Variants in BBOF1 observed in about 807,000 individuals in gnomAD.
The protein encoded by BBOF1 is basal body-orientation factor 1.
Under a neutral mutation model 68.0 loss-of-function variants are expected in BBOF1, and 62 were observed. The observed-to-expected ratio is 0.91, with a 90% CI of 0.74 to 1.13. BBOF1 has a LOEUF of 1.13. Among genes scored for constraint, BBOF1 ranks in the 50% most tolerant of loss-of-function variants. The pLI, the probability that BBOF1 is intolerant of heterozygous loss-of-function variation, is 0.00. For missense variants in BBOF1, 534 were observed against 600.1 expected (o/e 0.89, Z 1.15); for synonymous variants, 208 against 198.8 (o/e 1.05, Z -0.39).
chr14:74,036,136 AC>A (rs2141011806), intron 4 of BBOF1, among the ~76,000 whole-genome samples: 1 of 147,220 alleles, frequency 6.8e-6, no homozygotes, highest in South Asian at 2.1e-4. Context: ...GCTCACTGCA[AC>A]CTCCACCTCC....
chr14:74,034,557 T>C (rs2059652245), intron 4 of BBOF1, among the ~76,000 whole-genome samples: 1 of 152,230 alleles, frequency 6.6e-6, no homozygotes, highest in African/African-American at 2.4e-5. Context: ...TAGAAGGCTC[T>C]ATGGTAGGGG....
intron 9 of BBOF1, chr14:74,072,279 G>T: frequency 6.2e-7 from 1 of 1,614,236 alleles, no homozygotes; most frequent in Non-Finnish European, 8.5e-7. Context: ...TGCCCATGCA[G>T]GAAAAGCACG....
At position 74,025,212 on chromosome 14, in the gene BBOF1, A is replaced by G. The variant is rs371115551; in HGVS notation, c.285+2068A>G. Among the ~76,000 whole-genome samples, 25 of 152,322 alleles carry G rather than the reference A, an allele frequency of 1.6e-4. No individual in the cohort carries two copies. The South Asian group carries it at 5.2e-3, about 32-fold the overall frequency. On this transcript the variant is annotated intron_variant, in intron 2 of 11. Transcript: ENST00000394009. ...TTAGATGCTTTGTTTTGTGGCTTGT[A>G]ATAGCTCATTGTTATTGGTCTACAT...
intron 2 of BBOF1, among the ~76,000 whole-genome samples, chr14:74,023,860 G>A (rs1446233807): frequency 4.7e-5 from 7 of 148,858 alleles, no homozygotes; most frequent in African/African-American, 1.7e-4. Context: ...AGGTTGCAGC[G>A]AGCTGAGATC....
chr14:74,038,456 C>A (rs2059759531), intron 4 of BBOF1, among the ~76,000 whole-genome samples: 1 of 152,048 alleles, frequency 6.6e-6, no homozygotes, highest in African/African-American at 2.4e-5. Flanking sequence ...AGATTTCAGA[C>A]CTTTCAAAGT....
At chr14:74,075,085 CTACT>C in intron 9 of BBOF1, 1 of 1,407,286 alleles carries the variant, frequency 7.1e-7, no homozygotes, top group Non-Finnish European at 1.0e-6. Flanking sequence ...TAGCAAATAG[CTACT>C]ATATGCTATT....
At chr14:74,039,397 T>G (rs796373406) in intron 4 of BBOF1, among the ~76,000 whole-genome samples, 12 of 152,246 alleles carry the variant, frequency 7.9e-5, no homozygotes, top group African/African-American at 2.9e-4. Context: ...GGGGATCATC[T>G]AAGGAATGAA....
chr14:74,067,435 G>T, downstream of BBOF1: 1 of 1,614,074 alleles, frequency 6.2e-7, no homozygotes, highest in Non-Finnish European at 8.5e-7. Flanking sequence ...GCCACTTCTT[G>T]GCTTCTCCCA....
intron 3 of BBOF1, among the ~76,000 whole-genome samples, chr14:74,032,905 T>TC (rs551324348): frequency 3.0e-4 from 45 of 152,004 alleles, no homozygotes; most frequent in Admixed American, 1.7e-3. Flanking sequence ...CTTTCCTTCT[T>TC]CCCCCCTTCC....
chr14:74,068,776 G>T, downstream of BBOF1: 1 of 1,473,342 alleles, frequency 6.8e-7, no homozygotes, highest in Non-Finnish European at 9.5e-7. Flanking sequence ...GGAGTGGGAT[G>T]AGTGGCCTCT....
intron 2 of BBOF1, among the ~76,000 whole-genome samples, chr14:74,028,348 G>A (rs985819667): frequency 6.6e-6 from 1 of 151,886 alleles, no homozygotes; most frequent in East Asian, 1.9e-4. Flanking sequence ...CAGCCTGGGC[G>A]ACAGAGTGAG....
intron 11 of BBOF1, among the ~76,000 whole-genome samples, chr14:74,064,315 T>G (rs58066285): frequency 6.9e-6 from 1 of 144,310 alleles, no homozygotes; most frequent in Admixed American, 6.9e-5. Flanking sequence ...AAAAAAATAA[T>G]AATAATAATA....
intron 8 of BBOF1, among the ~76,000 whole-genome samples, chr14:74,052,066 A>G (rs1566814296): frequency 6.6e-6 from 1 of 151,806 alleles, no homozygotes; most frequent in African/African-American, 2.4e-5. Context: ...CTGTAATACT[A>G]CTACTGTTAC....
chr14:74,023,859 C>T (rs1338264703), intron 2 of BBOF1, among the ~76,000 whole-genome samples: 3 of 145,630 alleles, frequency 2.1e-5, no homozygotes, highest in South Asian at 2.2e-4. Context: ...GAGGTTGCAG[C>T]GAGCTGAGAT....
chr14:74,061,321 A>T (rs10140036), intron 11 of BBOF1, among the ~76,000 whole-genome samples: 24,910 of 150,296 alleles, frequency 0.17, 2,679 homozygotes, highest in African/African-American at 0.31. Flanking sequence ...ATTTATTTTG[A>T]GACAGAGTCT....
intron 2 of BBOF1, among the ~76,000 whole-genome samples, chr14:74,027,384 G>GTT (rs1421868710): frequency 2.2e-5 from 2 of 89,462 alleles, no homozygotes; most frequent in East Asian, 3.2e-4. Flanking sequence ...ACCTCGCCCA[G>GTT]CTTTTTTTTT....
intron 9 of BBOF1, among the ~76,000 whole-genome samples, chr14:74,074,637 G>T (rs1474614330): frequency 6.6e-6 from 1 of 152,086 alleles, no homozygotes; most frequent in Non-Finnish European, 1.5e-5. Flanking sequence ...TGTGTAGAAA[G>T]AATTTGAGCA....
Position 74,056,916 on chromosome 14 carries a change from CAG to C in BBOF1, c.1402_1403del (p.Ser468PhefsTer2). The C allele has an allele frequency of 5.6e-6, 9 of 1,612,850 alleles. No individual in the cohort carries two copies. Among genetic ancestry groups the C allele is most frequent in the Non-Finnish European group, 7.6e-6 (9 of 1,179,020 alleles). ...TTTTACCCACTACAGGAAATACAAC[CAG>C]AGTTCTAGGCCTCCAGTTCCAGACT... is the stretch of plus-strand genomic sequence containing the variant. ...MNGCPSRKYN[Q>X]SSRPPVPDYV... On this transcript the variant is annotated frameshift_variant, in exon 10 of 12. Transcript: ENST00000394009. LOFTEE classifies it high-confidence loss of function.
intron 9 of BBOF1, chr14:74,072,623 AAACAAAC>A (rs2060566450): frequency 1.3e-6 from 2 of 1,597,732 alleles, no homozygotes; most frequent in Non-Finnish European, 1.7e-6. Flanking sequence ...TGAAAAAAAC[AAACAAAC>A]AAACAAACAA....
Sources: allele counts gnomAD v4.1 joint callset (sites outside exome capture counted in the v4.1 genomes callset), GRCh38; gene constraint gnomAD v4.1.1; transcripts MANE v1.5; gene names NCBI Gene and HGNC (gene_info 2026-07-23, HGNC 2026-07-21).